Variants in PCDHGA8 observed in about 807,000 individuals in gnomAD.
PCDHGA8 encodes protocadherin gamma subfamily A, 8.
In PCDHGA8, 45 loss-of-function variants were observed where a neutral mutation model predicts 59.2. The observed-to-expected ratio is 0.76, with a 90% confidence interval of 0.60 to 0.98. PCDHGA8 has a LOEUF of 0.98. PCDHGA8 is among the 50% of genes least tolerant of loss of function. The pLI, the probability that PCDHGA8 is intolerant of heterozygous loss-of-function variation, is 0.00. For missense variants in PCDHGA8, 1,257 were observed against 1,196.2 expected (o/e 1.05, Z -0.75); for synonymous variants, 531 against 519.0 (o/e 1.02, Z -0.32).
intron 1 of PCDHGA8, among the ~76,000 whole-genome samples, chr5:141,457,459 CA>C (rs1402759850): frequency 6.6e-6 from 1 of 152,166 alleles, no homozygotes; most frequent in Non-Finnish European, 1.5e-5. Context: ...CCACTTGATT[CA>C]CAGGAATAAG....
At chr5:141,415,810 T>TATATATC in intron 1 of PCDHGA8, 1 of 1,360,418 alleles carries the variant, frequency 7.4e-7, no homozygotes, top group Non-Finnish European at 9.5e-7. Flanking sequence ...AATCAAGGCC[T>TATATATC]ATATATCATA....
chr5:141,467,042 G>T (rs2099134710), intron 1 of PCDHGA8, among the ~76,000 whole-genome samples: 1 of 149,884 alleles, frequency 6.7e-6, no homozygotes. Context: ...TTTGTGTAAT[G>T]AATCAATGTT....
rs778294045 is a variant in PCDHGA8 at position 141,399,841 on chromosome 5, G to A, written c.2424+4604G>A. 2 of 1,612,968 alleles carry A rather than the reference G, an allele frequency of 1.2e-6. No homozygotes were observed. Among genetic ancestry groups the A allele is most frequent in the African/African-American group, 1.3e-5 (1 of 74,926 alleles). ...GGGTCCCGACGGCTCTGCGCTCTTC[G>A]ATATGGTGCCGCGCGCTGCAGAGCC... On this transcript the variant is annotated intron_variant, in intron 1 of 3. Transcript: ENST00000398604.
At position 141,393,171 on chromosome 5, in the gene PCDHGA8, G is replaced by A. The variant is rs768471669; in HGVS notation, c.358G>A (p.Glu120Lys). 1 of 1,613,268 alleles carries A rather than the reference G, an allele frequency of 6.2e-7. No individual in the cohort carries two copies. The highest frequency in any genetic ancestry group is 8.5e-7 in the Non-Finnish European group (1 of 1,179,894). Residue 120 changes from glutamate to lysine, a missense_variant, in exon 1 of 4, where the codon GAA becomes AAA. Physicochemically the swap from Glu to Lys is moderately conservative, Grantham distance 56. Transcript: ENST00000398604. Reference sequence around the variant, plus strand: ...GGATAAAGGAAAACTCTTTGGGGTAGAAATAGAAATAATTGATATTAACGA... The same window carrying A: ...GGATAAAGGAAAACTCTTTGGGGTAAAAATAGAAATAATTGATATTAACGA... Reference protein sequence around the residue: ...VEDKGKLFGVEIEIIDINDNN... With the variant: ...VEDKGKLFGVKIEIIDINDNN...
rs367914755 is a variant in PCDHGA8 at position 141,399,963 on chromosome 5, C to T, written c.2424+4726C>T. ...TGCTGCAGGCTAGCGAGCCCGGGCT[C>T]TTCAGCCTGGGGCTGCGCACAGGAG... On this transcript the variant is annotated intron_variant, in intron 1 of 3. Transcript: ENST00000398604. 793 of 1,612,310 alleles carry T rather than the reference C, an allele frequency of 4.9e-4. 4 individuals are homozygous for T. Among genetic ancestry groups the T allele is most frequent in the Non-Finnish European group, 3.8e-4 (443 of 1,179,704 alleles).
intron 1 of PCDHGA8, chr5:141,405,066 T>G: frequency 1.2e-6 from 2 of 1,613,866 alleles, no homozygotes; most frequent in South Asian, 2.2e-5. Context: ...TGTGTCTTCC[T>G]CACCTTCGTT....
chr5:141,432,463 C>A lies in PCDHGA8; in HGVS notation c.2424+37226C>A, dbSNP rs781407406. On this transcript the variant is annotated intron_variant, in intron 1 of 3. Transcript: ENST00000398604. The surrounding 1 kb of genome is among the most constrained non-coding windows in gnomAD (Gnocchi z 6.0). Reference sequence around the variant, plus strand: ...CCGAGATCCTGTACCCCGCCCTCCCCACGGACGGTTCCACTGGCGTGGAGC... The same window carrying A: ...CCGAGATCCTGTACCCCGCCCTCCCAACGGACGGTTCCACTGGCGTGGAGC... The A allele has an allele frequency of 5.6e-6, 9 of 1,614,120 alleles. No homozygotes were observed. In the Admixed American group the frequency reaches 1.3e-4, roughly 24 times the overall value.
intron 1 of PCDHGA8, chr5:141,398,701 C>G (rs757215015): frequency 6.2e-7 from 1 of 1,613,658 alleles, no homozygotes; most frequent in African/African-American, 1.3e-5. Flanking sequence ...TAGTAAATAC[C>G]CGGAACTGGC....
Position 141,476,949 on chromosome 5 carries a change from A to G in PCDHGA8, c.2425-17858A>G. The stretch of plus-strand genomic sequence containing the variant: ...GATCTGGATGAAGGCCCCAACGGTG[A>G]AATTATTTACTCCTTCGGCAGCCAC... On this transcript the variant is annotated intron_variant, in intron 1 of 3. Transcript: ENST00000398604. The surrounding 1 kb of genome is among the most constrained non-coding windows in gnomAD (Gnocchi z 7.6). 6.2e-7 allele frequency: 1 copy of G among 1,614,200 alleles called. No individual in the cohort carries two copies. Among genetic ancestry groups the G allele is most frequent in the Admixed American group, 1.7e-5 (1 of 60,038 alleles).
intron 1 of PCDHGA8, chr5:141,398,713 C>G (rs772426523): frequency 6.2e-7 from 1 of 1,613,828 alleles, no homozygotes; most frequent in Non-Finnish European, 8.5e-7. Context: ...GGAACTGGCA[C>G]TGGAGAAAAC....
intron 1 of PCDHGA8, chr5:141,421,414 C>G: frequency 6.2e-7 from 1 of 1,614,066 alleles, no homozygotes; most frequent in Non-Finnish European, 8.5e-7. Flanking sequence ...GCTGGCGAAG[C>G]GCGGAGTCCG....
At chr5:141,479,937 C>G (rs1322238189) in intron 1 of PCDHGA8, among the ~76,000 whole-genome samples, 1 of 152,212 alleles carries the variant, frequency 6.6e-6, no homozygotes, top group African/African-American at 2.4e-5. Context: ...TCATTGCTAT[C>G]AACTCTTGGA....
At position 141,489,632 on chromosome 5, in the gene PCDHGA8, C is replaced by T; in HGVS notation, c.2425-5175C>T. 6.2e-7 allele frequency: 1 copy of T among 1,614,138 alleles called. No homozygotes were observed. Among genetic ancestry groups the T allele is most frequent in the Non-Finnish European group, 8.5e-7 (1 of 1,180,010 alleles). Reference sequence around the variant, plus strand: ...ATCCTGGATCTCAATGACAACTCTCCTAGCTTTGCCACCCCTGAGCGAGAG... The same window carrying T: ...ATCCTGGATCTCAATGACAACTCTCTTAGCTTTGCCACCCCTGAGCGAGAG... On this transcript the variant is annotated intron_variant, in intron 1 of 3. Transcript: ENST00000398604. The surrounding 1 kb of genome is among the most constrained non-coding windows in gnomAD (Gnocchi z 4.5).
In PCDHGA8 at chr5:141,408,282, C is replaced by A. The variant is rs1045626164; in HGVS notation, c.2424+13045C>A. On this transcript the variant is annotated intron_variant, in intron 1 of 3. Transcript: ENST00000398604. ...CCTTTGCTGCTGCCTTTGTTCTACC[C>A]CACCCTGAGTGAGCCGATCCGCTAC... The A allele has an allele frequency of 5.0e-6, 8 of 1,612,846 alleles. No individual in the cohort carries two copies. The African/African-American group carries it at 1.1e-4, about 22-fold the overall frequency.
intron 1 of PCDHGA8, among the ~76,000 whole-genome samples, chr5:141,472,131 A>C (rs565506002): frequency 6.6e-6 from 1 of 152,264 alleles, no homozygotes; most frequent in Non-Finnish European, 1.5e-5. Flanking sequence ...AGAGAAGTTA[A>C]AAATAAAAGT....
chr5:141,465,483 A>T (rs1279787337), intron 1 of PCDHGA8, among the ~76,000 whole-genome samples: 1 of 152,236 alleles, frequency 6.6e-6, no homozygotes, highest in Non-Finnish European at 1.5e-5. Flanking sequence ...TCATGAGAGG[A>T]ATGAGCGGGA....
intron 2 of PCDHGA8, among the ~76,000 whole-genome samples, chr5:141,501,286 C>T (rs2099806802): frequency 8.9e-6 from 1 of 112,422 alleles, no homozygotes; most frequent in African/African-American, 3.5e-5. Context: ...GGGATATTCC[C>T]TTATACACAC....
intron 2 of PCDHGA8, among the ~76,000 whole-genome samples, chr5:141,498,949 AAGAG>A (rs1417276243): frequency 1.3e-4 from 18 of 133,552 alleles, no homozygotes; most frequent in African/African-American, 1.9e-4. Context: ...AAGAAAGAAA[AAGAG>A]AGAGAGGGAG....
intron 1 of PCDHGA8, among the ~76,000 whole-genome samples, chr5:141,464,240 G>A (rs1396190870): frequency 1.3e-5 from 2 of 150,444 alleles, no homozygotes; most frequent in Non-Finnish European, 2.9e-5. Context: ...ACTCCAGCCT[G>A]GGCTACAGAG....
Sources: allele counts gnomAD v4.1 joint callset (sites outside exome capture counted in the v4.1 genomes callset), GRCh38; gene constraint gnomAD v4.1.1; non-coding constraint Gnocchi (gnomAD v3.1); transcripts MANE v1.5; gene names NCBI Gene and HGNC (gene_info 2026-07-23, HGNC 2026-07-21).